The following SOX6 variants were observed in gnomAD, a reference collection of about 807,000 sequenced individuals.
SOX6 encodes the protein SRY-box transcription factor 6, also known as transcription factor SOX-6.
Under a neutral mutation model 97.8 loss-of-function variants are expected in SOX6, and 11 were observed. That is an observed-to-expected ratio of 0.11 (90% CI 0.07 to 0.19). The LOEUF (loss-of-function observed/expected upper bound fraction) is 0.19, where lower values mean the gene tolerates loss of function less well. SOX6 is among the 10% of genes least tolerant of loss of function. SOX6 has a pLI of 1.00. For missense variants in SOX6, 810 were observed against 1,039.5 expected, an observed-to-expected ratio of 0.78 and a Z score of 3.04; for synonymous variants, 360 against 371.4, an observed-to-expected ratio of 0.97 and a Z score of 0.35.
At chr11:16,106,491 T>C (rs1849090469) in intron 7 of SOX6, among the ~76,000 whole-genome samples, 1 of 152,100 alleles carries the variant, frequency 6.6e-6, no homozygotes, top group East Asian at 1.9e-4. Context: ...GGGGAAGGGA[T>C]AGTCTTATCA....
intron 4 of SOX6, among the ~76,000 whole-genome samples, chr11:16,583,618 T>TGTATATATATACACACACACAC (rs1848056515): frequency 7.9e-6 from 1 of 126,012 alleles, no homozygotes; most frequent in Non-Finnish European, 1.7e-5. Flanking sequence ...TATATACATA[T>TGTATATATATACACACACACAC]ATATATATAT....
intron 3 of SOX6, among the ~76,000 whole-genome samples, chr11:16,310,591 A>G (rs1371901514): frequency 6.6e-6 from 1 of 152,144 alleles, no homozygotes. Flanking sequence ...AAGTTGTATC[A>G]GCATTGTTCT....
intron 4 of SOX6, among the ~76,000 whole-genome samples, chr11:16,208,196 A>G (rs1852124312): frequency 6.6e-6 from 1 of 152,210 alleles, no homozygotes; most frequent in Admixed American, 6.5e-5. Context: ...CTATGGGAAG[A>G]GAGTGCCTAT....
chr11:16,326,438 G>GGTAA (rs1238511560), intron 2 of SOX6, among the ~76,000 whole-genome samples: 5 of 151,720 alleles, frequency 3.3e-5, no homozygotes, highest in Non-Finnish European at 7.4e-5. Flanking sequence ...AGGCAGGACC[G>GGTAA]GTAAAAATCT....
intron 4 of SOX6, among the ~76,000 whole-genome samples, chr11:16,204,669 G>GA (rs1253279377): frequency 6.6e-6 from 1 of 152,000 alleles, no homozygotes; most frequent in Non-Finnish European, 1.5e-5. Flanking sequence ...TCTATATCTG[G>GA]AGGTGATTTT....
intron 12 of SOX6, among the ~76,000 whole-genome samples, chr11:16,038,713 A>T (rs1191959430): frequency 6.6e-6 from 1 of 152,168 alleles, no homozygotes; most frequent in Non-Finnish European, 1.5e-5. Flanking sequence ...TAAGTACTTA[A>T]TACAAATGGA....
chr11:16,641,592 G>T (rs1327224038), intron 3 of SOX6, among the ~76,000 whole-genome samples: 1 of 152,186 alleles, frequency 6.6e-6, no homozygotes, highest in Non-Finnish European at 1.5e-5. Flanking sequence ...GGGTGCTCCT[G>T]TATTGGGTGC....
intron 1 of SOX6, among the ~76,000 whole-genome samples, chr11:16,441,585 T>C (rs994291547): frequency 1.3e-5 from 2 of 152,184 alleles, no homozygotes; most frequent in African/African-American, 2.4e-5. Flanking sequence ...TTCTTAAGAA[T>C]GCATATCTTA....
At chr11:16,223,897 C>A (rs1034027788) in intron 4 of SOX6, among the ~76,000 whole-genome samples, 2 of 151,998 alleles carry the variant, frequency 1.3e-5, no homozygotes, top group African/African-American at 4.8e-5. Flanking sequence ...AGTAAAATGT[C>A]TTGTATTTGT....
intron 4 of SOX6, among the ~76,000 whole-genome samples, chr11:16,494,416 A>G (rs1860561004): frequency 6.6e-6 from 1 of 152,156 alleles, no homozygotes; most frequent in Admixed American, 6.5e-5. Flanking sequence ...AATGAATGAG[A>G]AAGGCTACAC....
intron 12 of SOX6, among the ~76,000 whole-genome samples, chr11:16,030,010 C>T (rs1855322915): frequency 6.6e-6 from 1 of 152,096 alleles, no homozygotes; most frequent in African/African-American, 2.4e-5. Context: ...TTTTGCATAA[C>T]TGAGGTGATG....
At chr11:16,145,563 G>C (rs140349589) in intron 6 of SOX6, among the ~76,000 whole-genome samples, 16,281 of 151,984 alleles carry the variant, frequency 0.11, 1,794 homozygotes, top group East Asian at 0.37. Context: ...GTCAAATTGT[G>C]TCTGTTTGTA....
At chr11:16,678,047 C>T (rs1847897912) in intron 3 of SOX6, among the ~76,000 whole-genome samples, 1 of 152,010 alleles carries the variant, frequency 6.6e-6, no homozygotes, top group South Asian at 2.1e-4. Flanking sequence ...ATCTTTTTTC[C>T]TTATCACTCT....
intron 4 of SOX6, among the ~76,000 whole-genome samples, chr11:16,601,430 T>C (rs1365260345): frequency 6.6e-6 from 1 of 152,138 alleles, no homozygotes; most frequent in African/African-American, 2.4e-5. Flanking sequence ...CTAAACTATA[T>C]TAAAACAAAT....
intron 1 of SOX6, among the ~76,000 whole-genome samples, chr11:16,467,559 C>A (rs570569694): frequency 2.0e-5 from 3 of 152,270 alleles, no homozygotes; most frequent in African/African-American, 7.2e-5. Context: ...ACCACATATT[C>A]TTACTTAAAA....
chr11:16,101,929 A>C (rs1848956362), intron 7 of SOX6, among the ~76,000 whole-genome samples: 1 of 151,842 alleles, frequency 6.6e-6, no homozygotes, highest in Non-Finnish European at 1.5e-5. Context: ...CATTATAGTG[A>C]ATGAGAAAGA....
rs949515491 is a variant in SOX6, at chr11:16,502,827, C to T, written n.610-26439G>A. Among the ~76,000 whole-genome samples the T allele has an allele frequency of 8.5e-5, 13 of 152,284 alleles. No homozygotes were observed. The East Asian group carries it at 2.3e-3, about 27-fold the overall frequency. ...CCAATTCATAGCTAAAAACTCCCCA[C>T]ATCTAGCAAGAGAATTAGACATCCA... On this transcript the variant is annotated intron_variant and non_coding_transcript_variant, in intron 4 of 5. Transcript: ENST00000524520.
At chr11:16,557,747 T>G (rs1015582359) in intron 4 of SOX6, among the ~76,000 whole-genome samples, 10 of 151,916 alleles carry the variant, frequency 6.6e-5, no homozygotes, top group Admixed American at 1.3e-4. Flanking sequence ...AGTAACATTC[T>G]TATCACCATT....
intron 4 of SOX6, among the ~76,000 whole-genome samples, chr11:16,490,553 T>C (rs1860495595): frequency 6.6e-6 from 1 of 151,980 alleles, no homozygotes; most frequent in Admixed American, 6.6e-5. Context: ...AAAAGAAAAC[T>C]ATAATATCAG....
Sources: gnomAD v4.1 joint callset for allele counts (sites outside exome capture counted in the v4.1 genomes callset) on GRCh38, gnomAD v4.1.1 for gene constraint, MANE v1.5 for transcripts, NCBI Gene and HGNC (gene_info 2026-07-23, HGNC 2026-07-21) for gene names.